Variants in GRID1 observed in about 807,000 individuals in gnomAD.
The protein encoded by GRID1 is glutamate ionotropic receptor delta type subunit 1.
A neutral mutation model predicts 98.0 loss-of-function variants in GRID1; 28 were observed. That is an observed-to-expected ratio of 0.29 (90% CI 0.21 to 0.39). GRID1 has a LOEUF of 0.39. Ranked by LOEUF, GRID1 falls within the 10% of genes least tolerant of loss-of-function variation. The pLI is 1.00. For missense variants in GRID1, 1,111 were observed against 1,340.5 expected (o/e 0.83, Z 2.67); for synonymous variants, 553 against 538.5 (o/e 1.03, Z -0.37).
In GRID1 at chr10:86,090,995, G is replaced by A. The variant is rs946102481; in HGVS notation, c.726+47824C>T. Among the ~76,000 whole-genome samples, 7 of 152,276 alleles carry A rather than the reference G, an allele frequency of 4.6e-5. No homozygotes were observed. In the East Asian group the frequency reaches 1.4e-3, roughly 29 times the overall value. On this transcript the variant is annotated intron_variant, in intron 4 of 15. Transcript: ENST00000327946. ...GCAGAAGGCCCTGGGAGCTCACTGG[G>A]TCCCCTAGTAGCCCATTCCTTCCTG... is the stretch of plus-strand genomic sequence containing the variant.
intron 2 of GRID1, among the ~76,000 whole-genome samples, chr10:86,237,154 T>A (rs1242293750): frequency 6.6e-6 from 1 of 152,016 alleles, no homozygotes; most frequent in Non-Finnish European, 1.5e-5. Context: ...TGACATTACC[T>A]CCTATGTTAA....
intron 4 of GRID1, among the ~76,000 whole-genome samples, chr10:86,123,680 C>T (rs192747798): frequency 1.8e-4 from 28 of 152,298 alleles, no homozygotes; most frequent in African/African-American, 6.7e-4. Context: ...GCTGCTTCTC[C>T]GAATTCCCTG....
chr10:85,845,950 G>T (rs1340460561), intron 8 of GRID1, among the ~76,000 whole-genome samples: 1 of 152,120 alleles, frequency 6.6e-6, no homozygotes, highest in Non-Finnish European at 1.5e-5. Context: ...ATCAAAACTG[G>T]TTCCATTTGG....
rs552110766 is a variant in GRID1, at chr10:85,616,088, C to T, written c.2361-2441G>A. ...GTTAGCTCGAGATCCAGCCAGTAAT[C>T]AGAGCTCCATAAAAGCTGGTTAGTA... is the stretch of plus-strand genomic sequence containing the variant. On this transcript the variant is annotated intron_variant, in intron 14 of 15. Transcript: ENST00000327946. Among the ~76,000 whole-genome samples the T allele has an allele frequency of 8.5e-5, 13 of 152,292 alleles. 1 individual carries two copies. The highest frequency in any genetic ancestry group is 3.9e-4 in the Admixed American group (6 of 15,292).
intron 2 of GRID1, among the ~76,000 whole-genome samples, chr10:86,326,256 A>G (rs1374236654): frequency 6.6e-6 from 1 of 152,198 alleles, no homozygotes; most frequent in Admixed American, 6.5e-5. Context: ...GGGGAGACAC[A>G]CTATGCCCCG....
At chr10:85,815,783 A>G (rs1020592839) in intron 8 of GRID1, among the ~76,000 whole-genome samples, 6 of 152,056 alleles carry the variant, frequency 3.9e-5, no homozygotes, top group Non-Finnish European at 8.8e-5. Flanking sequence ...ATGAAAAGGC[A>G]AGTCAGAGAT....
chr10:86,194,155 A>T (rs1314324759), intron 3 of GRID1, among the ~76,000 whole-genome samples: 3 of 152,132 alleles, frequency 2.0e-5, no homozygotes, highest in African/African-American at 4.8e-5. Context: ...ATTTGAAAAC[A>T]GAATCTCCTG....
At chr10:85,895,147 C>A (rs933262655) in intron 5 of GRID1, among the ~76,000 whole-genome samples, 1 of 151,510 alleles carries the variant, frequency 6.6e-6, no homozygotes. Context: ...TCCCTGACAT[C>A]AGTTTAATCA....
chr10:86,066,908 A>G (rs1385154771), intron 4 of GRID1, among the ~76,000 whole-genome samples: 3 of 152,142 alleles, frequency 2.0e-5, no homozygotes, highest in African/African-American at 7.2e-5. Context: ...AGCATCCCAT[A>G]GGTGCTGGTA....
At chr10:85,951,439 T>C (rs1842124651) in intron 4 of GRID1, among the ~76,000 whole-genome samples, 3 of 152,118 alleles carry the variant, frequency 2.0e-5, no homozygotes, top group South Asian at 4.1e-4. Flanking sequence ...GCCTGGAGTA[T>C]AGGTGGGAGA....
chr10:86,008,000 A>T (rs903325305), intron 4 of GRID1, among the ~76,000 whole-genome samples: 19 of 152,132 alleles, frequency 1.2e-4, no homozygotes, highest in Admixed American at 2.0e-4. Flanking sequence ...GCACTCACTG[A>T]TATTGTCACC....
Position 85,731,348 on chromosome 10 carries a change from C to T in GRID1, c.1234-1734G>A, listed in dbSNP as rs539832448. Among the ~76,000 whole-genome samples, 245 of 151,942 alleles carry T rather than the reference C, an allele frequency of 1.6e-3. 2 individuals are homozygous for T. The highest frequency in any genetic ancestry group is 2.6e-3 in the Non-Finnish European group (175 of 67,976). On this transcript the variant is annotated intron_variant, in intron 8 of 15. Coordinates refer to ENST00000327946, the MANE Select transcript of GRID1 (RefSeq NM_017551.3). ...TGTACCCCAAAGAACCACCCACCGC[C>T]ACCACCACTAATTAATTTGGGGGCA... is the stretch of plus-strand genomic sequence containing the variant.
intron 4 of GRID1, among the ~76,000 whole-genome samples, chr10:85,920,624 C>T (rs1841689599): frequency 6.6e-6 from 1 of 152,364 alleles, no homozygotes; most frequent in East Asian, 1.9e-4. Flanking sequence ...CATGTGCTCC[C>T]CTTCAAGGCA....
chr10:86,088,962 G>T (rs1486798567), intron 4 of GRID1, among the ~76,000 whole-genome samples: 1 of 151,862 alleles, frequency 6.6e-6, no homozygotes, highest in Admixed American at 6.6e-5. Context: ...AAAGGGGTAG[G>T]CTACCAAGAC....
chr10:86,231,030 T>C (rs1027117571), intron 2 of GRID1, among the ~76,000 whole-genome samples: 1 of 152,168 alleles, frequency 6.6e-6, no homozygotes, highest in African/African-American at 2.4e-5. Flanking sequence ...CACTGGGCTG[T>C]TTCCAAGGTC....
At chr10:85,693,285 T>C (rs1841353934) in intron 12 of GRID1, among the ~76,000 whole-genome samples, 1 of 152,162 alleles carries the variant, frequency 6.6e-6, no homozygotes, top group Non-Finnish European at 1.5e-5. Flanking sequence ...AGTTTCTGCT[T>C]AGTCAATAAA....
chr10:86,072,454 C>A (rs1843817960), intron 4 of GRID1, among the ~76,000 whole-genome samples: 1 of 152,122 alleles, frequency 6.6e-6, no homozygotes, highest in African/African-American at 2.4e-5. Flanking sequence ...CTCATCTTAC[C>A]CAGAGGAGTC....
intron 3 of GRID1, among the ~76,000 whole-genome samples, chr10:86,148,173 T>G (rs1845114008): frequency 6.6e-6 from 1 of 152,204 alleles, no homozygotes; most frequent in Non-Finnish European, 1.5e-5. Context: ...AAAACTCCCA[T>G]ACTCCTTGCA....
At chr10:85,794,787 C>T (rs1842510988) in intron 8 of GRID1, among the ~76,000 whole-genome samples, 1 of 152,170 alleles carries the variant, frequency 6.6e-6, no homozygotes, top group African/African-American at 2.4e-5. Context: ...GCATTTGCCT[C>T]CTGTAATCAT....
Sources: gnomAD v4.1 joint callset for allele counts (sites outside exome capture counted in the v4.1 genomes callset) on GRCh38, gnomAD v4.1.1 for gene constraint, MANE v1.5 for transcripts, NCBI Gene and HGNC (gene_info 2026-07-23, HGNC 2026-07-21) for gene names.